The following CNGA1 variants were observed in gnomAD, a reference collection of about 807,000 sequenced individuals.
CNGA1 encodes the protein cyclic nucleotide-gated channel alpha-1.
A neutral mutation model predicts 69.7 loss-of-function variants in CNGA1; 53 were observed. That is an observed-to-expected ratio of 0.76 (90% CI 0.61 to 0.96). The LOEUF (loss-of-function observed/expected upper bound fraction) is 0.96, where lower values mean the gene tolerates loss of function less well. Ranked by LOEUF, CNGA1 falls within the 40% of genes least tolerant of loss-of-function variation. The pLI is 0.00. For synonymous variants in CNGA1, 249 were observed against 283.5 expected (o/e 0.88, Z 1.22); for missense variants, 739 against 811.2 (o/e 0.91, Z 1.08).
intron 2 of CNGA1, among the ~76,000 whole-genome samples, chr4:48,005,540 C>A (rs1714883446): frequency 6.6e-6 from 1 of 152,148 alleles, no homozygotes; most frequent in Non-Finnish European, 1.5e-5. Context: ...TCACATAAGA[C>A]TTTTTTAAAG....
At chr4:47,981,028 T>C (rs1032942565) in intron 3 of CNGA1, among the ~76,000 whole-genome samples, 2 of 152,174 alleles carry the variant, frequency 1.3e-5, no homozygotes, top group African/African-American at 4.8e-5. Flanking sequence ...AAGATTTACA[T>C]GAGTTTGATA....
intron 4 of CNGA1, 106 bp downstream of exon 4, chr4:47,952,477 A>G: frequency 8.5e-7 from 1 of 1,174,000 alleles, no homozygotes; most frequent in South Asian, 1.5e-5. Flanking sequence ...TAAATACATT[A>G]CAAAGTTCAA....
chr4:47,999,699 C>T lies in CNGA1; in HGVS notation c.-123+11095G>A, dbSNP rs192144143. Among the ~76,000 whole-genome samples the T allele has an allele frequency of 4.8e-3, 723 of 152,114 alleles. 3 individuals are homozygous for T. The highest frequency in any genetic ancestry group is 0.016 in the African/African-American group (675 of 41,508). On this transcript the variant is annotated intron_variant, in intron 2 of 10. Coordinates refer to ENST00000514170, the MANE Select transcript of CNGA1 (RefSeq NM_001379270.1). Reference sequence around the variant, plus strand: ...CAGCCTGGCCAAAATGGTGAAATCCCGTCTCTACTAAAACTTCAAAAATTA... The same window carrying T: ...CAGCCTGGCCAAAATGGTGAAATCCTGTCTCTACTAAAACTTCAAAAATTA...
intron 9 of CNGA1, among the ~76,000 whole-genome samples, chr4:47,941,836 T>C (rs1023257635): frequency 3.3e-5 from 5 of 152,134 alleles, no homozygotes; most frequent in African/African-American, 1.2e-4. Flanking sequence ...ATCCCAGTAC[T>C]GCAGACCCAA....
intron 3 of CNGA1, among the ~76,000 whole-genome samples, chr4:47,955,289 T>C (rs1740017597): frequency 6.6e-6 from 1 of 151,202 alleles, no homozygotes; most frequent in Admixed American, 6.6e-5. Flanking sequence ...TTTGAGCTGT[T>C]CTCCTGTCTC....
chr4:47,938,731 A>ATCT (rs1257454952), intron 10 of CNGA1, among the ~76,000 whole-genome samples: 11 of 151,936 alleles, frequency 7.2e-5, no homozygotes, highest in African/African-American at 2.7e-4. Context: ...TCTTGACCCC[A>ATCT]GTTCCTGAAA....
At chr4:47,988,605 C>T (rs1742092538) in intron 2 of CNGA1, among the ~76,000 whole-genome samples, 1 of 152,036 alleles carries the variant, frequency 6.6e-6, no homozygotes, top group African/African-American at 2.4e-5. Flanking sequence ...ATTTCACTGG[C>T]AAAGTCTGGG....
rs373782782 is a variant in CNGA1 at position 47,936,608 on chromosome 4, C to A, written c.1874G>T (p.Arg625Leu). ...CAGGAGGTCTACTGACCCCTCCATTCGAGTAACCTTCTCTTCAAGATCTTT... is the reference window on the plus strand; with the variant it reads ...CAGGAGGTCTACTGACCCCTCCATTAGAGTAACCTTCTCTTCAAGATCTTT... Reference protein sequence around the residue: ...DPKDLEEKVTRMEGSVDLLQT... With the variant: ...DPKDLEEKVTLMEGSVDLLQT... The change falls in exon 11 of 11, where the codon CGA becomes CTA. Residue 625 changes from arginine to leucine, a missense_variant. Arg to Leu is a moderately radical substitution (Grantham distance 102, BLOSUM62 -2). Transcript: ENST00000514170. 3 of 1,614,150 alleles carry A rather than the reference C, an allele frequency of 1.9e-6. No homozygotes were observed. The highest frequency in any genetic ancestry group is 2.5e-6 in the Non-Finnish European group (3 of 1,180,020).
Position 47,990,877 on chromosome 4 carries a change from C to T in CNGA1, c.-122-9377G>A, listed in dbSNP as rs529567742. On this transcript the variant is annotated intron_variant, in intron 2 of 10. Transcript: ENST00000514170. ...ATCCTCATAGCTTAGCTCCCACTTA[C>T]GAGCGAGAATATACAATATTTGGTT... Among the ~76,000 whole-genome samples the T allele has an allele frequency of 6.6e-5, 10 of 152,308 alleles. No individual in the cohort carries two copies. In the South Asian group the frequency reaches 1.7e-3, roughly 25 times the overall value.
chr4:48,001,580 T>C (rs182331498), intron 2 of CNGA1, among the ~76,000 whole-genome samples: 21 of 152,366 alleles, frequency 1.4e-4, no homozygotes, highest in Admixed American at 1.0e-3. Flanking sequence ...GATAAAATTG[T>C]CTATTAATTA....
At chr4:47,990,701 T>A (rs1048611034) in intron 2 of CNGA1, among the ~76,000 whole-genome samples, 1 of 152,140 alleles carries the variant, frequency 6.6e-6, no homozygotes, top group South Asian at 2.1e-4. Context: ...CCTACTAATA[T>A]GTGATGGCAC....
At chr4:47,967,977 C>CA (rs572307901) in intron 3 of CNGA1, among the ~76,000 whole-genome samples, 1,952 of 145,020 alleles carry the variant, frequency 0.013, 12 homozygotes, top group Admixed American at 0.016. Context: ...GACTTCGTCT[C>CA]AAAAAAAAAA....
At chr4:48,015,587 G>C (rs946218380) in intron 1 of CNGA1, among the ~76,000 whole-genome samples, 1 of 152,070 alleles carries the variant, frequency 6.6e-6, no homozygotes, top group East Asian at 1.9e-4. Context: ...AGCCCGAATT[G>C]TTCACTACCC....
chr4:47,962,006 G>T (rs1438599898), intron 3 of CNGA1, among the ~76,000 whole-genome samples: 1 of 152,120 alleles, frequency 6.6e-6, no homozygotes, highest in Non-Finnish European at 1.5e-5. Flanking sequence ...TGCTGGAAGT[G>T]TCTGAGTAAA....
At chr4:47,998,487 T>C (rs1324733524) in intron 2 of CNGA1, among the ~76,000 whole-genome samples, 1 of 152,148 alleles carries the variant, frequency 6.6e-6, no homozygotes, top group East Asian at 1.9e-4. Flanking sequence ...TAATAATGCT[T>C]ACATGGACTT....
chr4:48,006,203 A>G (rs1342006745), intron 2 of CNGA1, among the ~76,000 whole-genome samples: 4 of 152,112 alleles, frequency 2.6e-5, no homozygotes, highest in East Asian at 1.9e-4. Context: ...ACAATCTCCA[A>G]TGTTATCAGA....
chr4:48,014,406 T>C (rs771621183), intron 1 of CNGA1, among the ~76,000 whole-genome samples: 4 of 136,122 alleles, frequency 2.9e-5, no homozygotes, highest in South Asian at 2.7e-4. Flanking sequence ...ATTTTTTCTC[T>C]TTATTTTCAG....
intron 2 of CNGA1, among the ~76,000 whole-genome samples, chr4:47,991,355 C>T (rs1742258811): frequency 6.6e-6 from 1 of 152,172 alleles, no homozygotes; most frequent in Admixed American, 6.5e-5. Context: ...GCCATTCTTG[C>T]AGGAGTAAGA....
intron 3 of CNGA1, among the ~76,000 whole-genome samples, chr4:47,975,889 A>C (rs970429455): frequency 1.3e-5 from 2 of 151,946 alleles, no homozygotes; most frequent in African/African-American, 4.8e-5. Flanking sequence ...ATTGACTCAG[A>C]AAGTATTCAC....
Sources: gnomAD v4.1 joint callset for allele counts (sites outside exome capture counted in the v4.1 genomes callset) on GRCh38, gnomAD v4.1.1 for gene constraint, MANE v1.5 for transcripts, NCBI Gene and HGNC (gene_info 2026-07-23, HGNC 2026-07-21) for gene names.